DPF3: variants seen among roughly 807,000 people sequenced by gnomAD.
The protein encoded by DPF3 is zinc finger protein DPF3.
Under a neutral mutation model 56.8 loss-of-function variants are expected in DPF3, and 18 were observed. The ratio of observed to expected loss-of-function variants is 0.32; its 90% CI spans 0.22 to 0.47. The LOEUF is 0.47. Among genes scored for constraint, DPF3 ranks in the 20% least tolerant of loss-of-function variants. The pLI is 1.00. For missense variants in DPF3, 403 were observed against 488.8 expected, an observed-to-expected ratio of 0.82 and a Z score of 1.65; for synonymous variants, 188 against 180.2, an observed-to-expected ratio of 1.04 and a Z score of -0.35.
At chr14:72,669,035 A>C (rs1599340643) in intron 8 of DPF3, among the ~76,000 whole-genome samples, 1 of 152,202 alleles carries the variant, frequency 6.6e-6, no homozygotes, top group African/African-American at 2.4e-5. Flanking sequence ...AGAACAACCC[A>C]AAAGTGGTTG....
At chr14:72,703,474 T>C (rs1888267430) in intron 6 of DPF3, among the ~76,000 whole-genome samples, 1 of 152,104 alleles carries the variant, frequency 6.6e-6, no homozygotes, top group Non-Finnish European at 1.5e-5. Flanking sequence ...CGTTTCAAAA[T>C]ATTCTATCAC....
chr14:72,714,414 C>T lies in DPF3; in HGVS notation c.604+9G>A. ...GGGAGGAAGGAAGGTGGGACCGGCC[C>T]ATACTTACTGTCACAGACGTAAGGT... On this transcript the variant is annotated intron_variant, in intron 6 of 10. Transcript: ENST00000556509. 6.2e-7 allele frequency: 1 copy of T among 1,613,746 alleles called. No homozygotes were observed. Among genetic ancestry groups the T allele is most frequent in the Non-Finnish European group, 8.5e-7 (1 of 1,179,730 alleles).
intron 1 of DPF3, among the ~76,000 whole-genome samples, chr14:72,872,979 A>C (rs941214348): frequency 9.9e-5 from 15 of 152,184 alleles, no homozygotes; most frequent in African/African-American, 3.1e-4. Flanking sequence ...CTAGAAGAAA[A>C]CCTAGGCAAT....
chr14:72,826,387 T>C (rs1340516468), intron 1 of DPF3, among the ~76,000 whole-genome samples: 2 of 152,160 alleles, frequency 1.3e-5, no homozygotes, highest in African/African-American at 2.4e-5. Context: ...CCGCTCCTCC[T>C]TTCTGTGATG....
intron 7 of DPF3, among the ~76,000 whole-genome samples, chr14:72,688,209 TGTGG>T (rs1262776060): frequency 1.6e-5 from 1 of 62,082 alleles, no homozygotes; most frequent in Non-Finnish European, 3.4e-5. Flanking sequence ...TGGGTGGGTG[TGTGG>T]GTGGATGGAT....
At chr14:72,876,534 CA>C (rs1886122923) in intron 1 of DPF3, among the ~76,000 whole-genome samples, 1 of 152,172 alleles carries the variant, frequency 6.6e-6, no homozygotes, top group Non-Finnish European at 1.5e-5. Flanking sequence ...TGTTCACGGA[CA>C]CCCCCCACCT....
At chr14:72,761,355 T>C (rs1891062416) in intron 2 of DPF3, among the ~76,000 whole-genome samples, 2 of 152,070 alleles carry the variant, frequency 1.3e-5, no homozygotes, top group South Asian at 4.1e-4. Context: ...TTAAAAGAAT[T>C]TGAACCATAA....
At chr14:72,730,998 T>A (rs1889616681) in intron 4 of DPF3, among the ~76,000 whole-genome samples, 1 of 151,896 alleles carries the variant, frequency 6.6e-6, no homozygotes, top group Non-Finnish European at 1.5e-5. Flanking sequence ...TGAAACCCCA[T>A]CTCTACTAAA....
Position 72,613,925 on chromosome 14 carries a change from C to A in DPF3, c.*5372G>T, listed in dbSNP as rs1459447095. ...GCCTGGGAGGTTGTCTATCCTCCCA[C>A]ATCCCGGGTGCCCAGCAGGAAGCAC... On this transcript the variant is annotated 3_prime_UTR_variant, in exon 11 of 11. Coordinates refer to ENST00000556509, the MANE Select transcript of DPF3 (RefSeq NM_001280542.3). 6.6e-6 allele frequency among the ~76,000 whole-genome samples: 1 copy of A among 152,164 alleles called. No individual in the cohort carries two copies. Among genetic ancestry groups the A allele is most frequent in the Non-Finnish European group, 1.5e-5 (1 of 68,034 alleles).
chr14:72,873,161 G>A (rs548425897), intron 1 of DPF3, among the ~76,000 whole-genome samples: 2 of 151,690 alleles, frequency 1.3e-5, no homozygotes, highest in South Asian at 4.1e-4. Flanking sequence ...GAAAATTTTT[G>A]CAATCTACTC....
intron 9 of DPF3, among the ~76,000 whole-genome samples, chr14:72,626,508 C>T (rs1244457382): frequency 6.6e-6 from 1 of 152,104 alleles, no homozygotes; most frequent in Non-Finnish European, 1.5e-5. Context: ...TCATAGACAT[C>T]TGCCTTATTC....
chr14:72,893,943 C>A, intron 1 of DPF3, 114 bp downstream of exon 1: 2 of 1,231,516 alleles, frequency 1.6e-6, no homozygotes, highest in Non-Finnish European at 2.3e-6. Context: ...GAAGCCCCGC[C>A]GCGGCTGGAG....
intron 1 of DPF3, among the ~76,000 whole-genome samples, chr14:72,867,820 C>T (rs942550460): frequency 1.3e-5 from 2 of 152,112 alleles, no homozygotes; most frequent in Admixed American, 1.3e-4. Flanking sequence ...CTCACTGCAA[C>T]CTCTACCTCC....
intron 1 of DPF3, among the ~76,000 whole-genome samples, chr14:72,875,432 C>T (rs1264571189): frequency 6.6e-6 from 1 of 152,160 alleles, no homozygotes; most frequent in African/African-American, 2.4e-5. Flanking sequence ...TGTGCCGACT[C>T]TACTAAGCAC....
At chr14:72,884,875 T>C (rs557026342) in intron 1 of DPF3, among the ~76,000 whole-genome samples, 1 of 141,454 alleles carries the variant, frequency 7.1e-6, no homozygotes, top group African/African-American at 2.6e-5. Context: ...GGCGGGCGGA[T>C]CACGAGGTCA....
intron 2 of DPF3, among the ~76,000 whole-genome samples, chr14:72,758,695 G>A (rs1285892687): frequency 2.6e-5 from 4 of 152,120 alleles, no homozygotes; most frequent in Non-Finnish European, 4.4e-5. Flanking sequence ...TATGATTCCC[G>A]GGGTACTGGG....
chr14:72,720,151 C>T (rs1889106473), intron 5 of DPF3, among the ~76,000 whole-genome samples: 1 of 152,146 alleles, frequency 6.6e-6, no homozygotes, highest in African/African-American at 2.4e-5. Flanking sequence ...GACAAATGGG[C>T]ATAGTTGTTC....
intron 9 of DPF3, among the ~76,000 whole-genome samples, chr14:72,627,144 CA>C (rs1473197834): frequency 6.6e-6 from 1 of 152,024 alleles, no homozygotes; most frequent in African/African-American, 2.4e-5. Flanking sequence ...TTTGACTATG[CA>C]AAATGTTTAT....
At chr14:72,830,744 A>C (rs1884017723) in intron 1 of DPF3, among the ~76,000 whole-genome samples, 1 of 152,234 alleles carries the variant, frequency 6.6e-6, no homozygotes, top group South Asian at 2.1e-4. Flanking sequence ...TTCTGGGTCA[A>C]AAGGACCTTA....
Sources: allele counts gnomAD v4.1 joint callset (sites outside exome capture counted in the v4.1 genomes callset), GRCh38; gene constraint gnomAD v4.1.1; transcripts MANE v1.5; gene names NCBI Gene and HGNC (gene_info 2026-07-23, HGNC 2026-07-21).